NEB: variants seen among roughly 807,000 people sequenced by gnomAD.
NEB encodes nebulin.
In NEB, 512 loss-of-function variants were observed where a neutral mutation model predicts 952.2. The ratio of observed to expected loss-of-function variants is 0.54; its 90% CI spans 0.50 to 0.58. The LOEUF is 0.58. Ranked by LOEUF, NEB falls within the 20% of genes least tolerant of loss-of-function variation. The pLI, the probability that NEB is intolerant of heterozygous loss-of-function variation, is 0.00. For synonymous variants in NEB, 2,900 were observed against 3,149.8 expected, an observed-to-expected ratio of 0.92 and a Z score of 2.66; for missense variants, 8,428 against 9,231.1, an observed-to-expected ratio of 0.91 and a Z score of 3.56.
At chr2:151,678,640 T>C (rs1415686869) in intron 32 of NEB, among the ~76,000 whole-genome samples, 1 of 152,204 alleles carries the variant, frequency 6.6e-6, no homozygotes, top group Non-Finnish European at 1.5e-5. Flanking sequence ...TAGAATTTAA[T>C]AAGTCCTTGG....
At chr2:151,612,640 A>C (rs2098029480) in intron 77 of NEB, among the ~76,000 whole-genome samples, 1 of 152,110 alleles carries the variant, frequency 6.6e-6, no homozygotes, top group Non-Finnish European at 1.5e-5. Flanking sequence ...AGTGATAAAA[A>C]CCACCTTAAG....
chr2:151,554,057 A>G (rs1487629317), intron 125 of NEB, 32 bp from the exon 126 acceptor site: 3 of 1,606,156 alleles, frequency 1.9e-6, no homozygotes, highest in Non-Finnish European at 2.6e-6. Context: ...CCAGTTATAC[A>G]GGAAATTGTG....
At chr2:151,503,584 C>T (rs2066428020) in intron 165 of NEB, 143 bp from the exon 166 acceptor site, 2 of 551,974 alleles carry the variant, frequency 3.6e-6, no homozygotes, top group African/African-American at 3.9e-5. Flanking sequence ...GGGGAAAATT[C>T]CATGAATATT....
intron 48 of NEB, among the ~76,000 whole-genome samples, chr2:151,657,531 G>A (rs527553539): frequency 6.6e-5 from 10 of 152,222 alleles, no homozygotes; most frequent in East Asian, 1.9e-4. Flanking sequence ...TCAAGCCACC[G>A]ATAGTTTAAC....
chr2:151,639,096 T>A (rs1267765890), intron 63 of NEB, among the ~76,000 whole-genome samples, 184 bp downstream of exon 63: 4 of 152,230 alleles, frequency 2.6e-5, no homozygotes, highest in Non-Finnish European at 5.9e-5. Context: ...TTGTATTTCC[T>A]AAATGATAAT....
At chr2:151,611,210 G>A (rs1377224951) in intron 78 of NEB, among the ~76,000 whole-genome samples, 2 of 152,182 alleles carry the variant, frequency 1.3e-5, no homozygotes, top group Non-Finnish European at 2.9e-5. Context: ...AGACTTCAGA[G>A]TCAATCCCAA....
chr2:151,646,024 T>C (rs1348346293), intron 55 of NEB, 106 bp downstream of exon 55: 2 of 799,406 alleles, frequency 2.5e-6, no homozygotes, highest in African/African-American at 1.7e-5. Context: ...ATGTAGTTAA[T>C]TAATTAAAAT....
Position 151,551,811 on chromosome 2 carries a change from C to T in NEB, c.19871G>A (p.Arg6624Lys). Residue 6624 changes from arginine to lysine, a missense_variant, in exon 129 of 182, where the codon AGA becomes AAA. Arg to Lys is a conservative substitution (Grantham distance 26, BLOSUM62 2). Around this residue, in one of 11 missense-constraint regions of NEB, gnomAD observed 3,374 missense variants for 3,651.5 expected, o/e 0.92. Transcript: ENST00000397345. Reference sequence around the variant, plus strand: ...TTTGGTAGTTGGAGCCACTTTGCCTCTGACACTGTGCACATAGTCATAGTG... The same window carrying T: ...TTTGGTAGTTGGAGCCACTTTGCCTTTGACACTGTGCACATAGTCATAGTG... ...VYHYDYVHSV[R>K]GKVAPTTKTV... is the part of the protein sequence containing the mutation. 6.2e-7 allele frequency: 1 copy of T among 1,613,402 alleles called. No homozygotes were observed. Among genetic ancestry groups the T allele is most frequent in the Non-Finnish European group, 8.5e-7 (1 of 1,179,612 alleles).
At chr2:151,729,710 T>G in intron 3 of NEB, 54 bp from the exon 4 acceptor site, 1 of 1,575,000 alleles carries the variant, frequency 6.3e-7, no homozygotes, top group Non-Finnish European at 8.7e-7. Context: ...AAACCACCTC[T>G]CCTCTGCCTC....
intron 173 of NEB, chr2:151,495,447 G>GATACGTGCTA (rs2059564139): frequency 6.6e-6 from 1 of 151,218 alleles, no homozygotes; most frequent in Admixed American, 6.6e-5. Flanking sequence ...ACGTTATTCT[G>GATACGTGCTA]ATGCGTGCTA....
chr2:151,555,131 A>G, intron 124 of NEB, 87 bp from the exon 125 acceptor site: 4 of 924,122 alleles, frequency 4.3e-6, no homozygotes, highest in Non-Finnish European at 6.8e-6. Flanking sequence ...AATGGGAAAA[A>G]CCCGACTCTG....
At chr2:151,710,588 A>G in intron 10 of NEB, 50 bp from the exon 11 acceptor site, 3 of 1,087,318 alleles carry the variant, frequency 2.8e-6, no homozygotes, top group Non-Finnish European at 4.0e-6. Context: ...TGAATTGACA[A>G]ATAAGACAGC....
chr2:151,513,538 A>G lies in NEB; in HGVS notation c.23241+42T>C, dbSNP rs16830128. The G allele has an allele frequency of 0.012, 16,405 of 1,424,300 alleles. 766 individuals are homozygous for G. The East Asian group carries it at 0.14, about 12-fold the overall frequency. The allele number at this position is 1,424,300 out of a possible 1,614,324, so 88.2% of individuals were successfully genotyped here. ...GGACACTTTATGTCCTTAAAGTTAC[A>G]ACTACTTTCCTGAAAGATTGACATC... is the stretch of plus-strand genomic sequence containing the variant. On this transcript the variant is annotated intron_variant, in intron 160 of 181. Coordinates refer to ENST00000397345, the MANE Select transcript of NEB (RefSeq NM_001164508.2).
chr2:151,578,102 A>G (rs1379217858), intron 105 of NEB, among the ~76,000 whole-genome samples: 1 of 152,242 alleles, frequency 6.6e-6, no homozygotes, highest in Non-Finnish European at 1.5e-5. Flanking sequence ...ATTATAAAAA[A>G]GTACCTCTGG....
chr2:151,513,629 T>G lies in NEB; in HGVS notation c.23192A>C (p.Glu7731Ala). ...KGRGLNAMAN[E>A]TPDFMRARNA... Reference sequence around the variant, plus strand: ...CCTGGCCCTCATAAAATCCGGAGTTTCATTGGCCATGGCATTCAGGCCTCT... The same window carrying G: ...CCTGGCCCTCATAAAATCCGGAGTTGCATTGGCCATGGCATTCAGGCCTCT... Residue 7731 changes from glutamate to alanine, a missense_variant, in exon 160 of 182, where the codon GAA becomes GCA. Physicochemically the swap from Glu to Ala is moderately radical, Grantham distance 107 (BLOSUM62 -1). This residue lies in a region of NEB where 3,374 missense variants were observed against 3,651.5 expected (regional missense o/e 0.92). Transcript: ENST00000397345. 6.2e-7 allele frequency: 1 copy of G among 1,610,664 alleles called. No homozygotes were observed. The highest frequency in any genetic ancestry group is 8.5e-7 in the Non-Finnish European group (1 of 1,178,490).
rs768093751 is a variant in NEB, at chr2:151,723,365, A to C, written c.717+17T>G. ...TGACTCTGCACACCTAAGTGGTGCCACTTGCATTTCACTTACATCACTGAG... is the reference window on the plus strand; with the variant it reads ...TGACTCTGCACACCTAAGTGGTGCCCCTTGCATTTCACTTACATCACTGAG... On this transcript the variant is annotated intron_variant, in intron 9 of 181. Coordinates refer to ENST00000397345, the MANE Select transcript of NEB (RefSeq NM_001164508.2). 2 of 1,584,388 alleles carry C rather than the reference A, an allele frequency of 1.3e-6. No homozygotes were observed. The highest frequency in any genetic ancestry group is 4.5e-5 in the East Asian group (2 of 44,390).
rs1355095237 is a variant in NEB at position 151,699,956 on chromosome 2, G to A, written c.1153-2308C>T. Among the ~76,000 whole-genome samples the A allele has an allele frequency of 1.9e-3, 274 of 148,088 alleles. 2 individuals carry two copies. The highest frequency in any genetic ancestry group is 6.5e-3 in the African/African-American group (264 of 40,454). On this transcript the variant is annotated intron_variant, in intron 13 of 181. Transcript: ENST00000397345. Reference sequence around the variant, plus strand: ...CCTTGCCCATGCCTATGTCCTGAATGGTAATGCCTAGGTTTTCTTCTAGGG... The same window carrying A: ...CCTTGCCCATGCCTATGTCCTGAATAGTAATGCCTAGGTTTTCTTCTAGGG...
At chr2:151,649,591 C>A (rs181095651) in intron 54 of NEB, among the ~76,000 whole-genome samples, 2 of 152,202 alleles carry the variant, frequency 1.3e-5, no homozygotes, top group African/African-American at 4.8e-5. Context: ...TCTTTCCCTT[C>A]TTTGCATATA....
rs2099172594 is a variant in NEB at position 151,663,767 on chromosome 2, T to C, written c.5544A>G (p.Gln1848=). Residue 1848 remains glutamine (Q), a synonymous_variant, in exon 45 of 182, where the codon CAA becomes CAG. Transcript: ENST00000397345. ...EDDPKLVHFM[Q]VAKMQSDREY... is the part of the protein sequence containing the mutation. ...CCCGGTCTGACTGCATCTTGGCCAC[T>C]TGCATGAAGTGCACCAGCTTGGGGT... The C allele has an allele frequency of 1.9e-6, 3 of 1,613,734 alleles. No individual in the cohort carries two copies. The highest frequency in any genetic ancestry group is 2.5e-6 in the Non-Finnish European group (3 of 1,179,786).
Sources: allele counts gnomAD v4.1 joint callset (sites outside exome capture counted in the v4.1 genomes callset), GRCh38; gene constraint gnomAD v4.1.1; regional missense constraint gnomAD v4.1.1; transcripts MANE v1.5; gene names NCBI Gene and HGNC (gene_info 2026-07-23, HGNC 2026-07-21).